The following ELF1 variants were observed in gnomAD, a reference collection of about 807,000 sequenced individuals.
The protein encoded by ELF1 is ETS-related transcription factor Elf-1.
In ELF1, 24 loss-of-function variants were observed where a neutral mutation model predicts 59.9. That is an observed-to-expected ratio of 0.40 (90% confidence interval 0.29 to 0.56). The LOEUF is 0.56. Ranked by LOEUF, ELF1 falls within the 20% of genes least tolerant of loss-of-function variation. The pLI, the probability that ELF1 is intolerant of heterozygous loss-of-function variation, is 0.44. For missense variants in ELF1, 627 were observed against 742.2 expected (o/e 0.84, Z 1.80); for synonymous variants, 248 against 266.2 (o/e 0.93, Z 0.67).
chr13:40,997,680 C>T (rs1287783864), intron 1 of ELF1, among the ~76,000 whole-genome samples: 16 of 152,196 alleles, frequency 1.1e-4, no homozygotes, highest in Admixed American at 1.0e-3. Context: ...GTGTGAGCCA[C>T]CACACTCAAT....
intron 5 of ELF1, among the ~76,000 whole-genome samples, chr13:40,944,281 G>C (rs1434991693): frequency 6.6e-6 from 1 of 152,082 alleles, no homozygotes; most frequent in Non-Finnish European, 1.5e-5. Flanking sequence ...GGTAGAACGT[G>C]GGCTCCAAAA....
Position 40,955,285 on chromosome 13 carries a change from G to GC in ELF1, c.253+3550dup, listed in dbSNP as rs1449794068. Among the ~76,000 whole-genome samples, 16 of 141,702 alleles carry GC rather than the reference G, an allele frequency of 1.1e-4. No individual in the cohort carries two copies. In the East Asian group the frequency reaches 3.2e-3, roughly 29 times the overall value. The allele number at this position is 141,702 out of a possible 152,430, so 93.0% of individuals were successfully genotyped here. A position where few individuals can be genotyped will look rare whatever the true frequency, so the allele number is the denominator to read the frequency against. On this transcript the variant is annotated intron_variant, in intron 3 of 8. Coordinates refer to ENST00000239882, the MANE Select transcript of ELF1 (RefSeq NM_172373.4). ...CCGTCTGGGAGGGAGGTGGGGGTCA[G>GC]CCCCCCGCCCGGCCAGCCGCCCCGT...
At chr13:41,060,361 T>C (rs1593419303) in intron 1 of ELF1, among the ~76,000 whole-genome samples, 1 of 151,728 alleles carries the variant, frequency 6.6e-6, no homozygotes, top group African/African-American at 2.4e-5. Context: ...CTGAAGAGGG[T>C]GTGGGCCGGA....
chr13:41,004,977 A>G (rs9532696), intron 1 of ELF1, among the ~76,000 whole-genome samples: 47,318 of 152,048 alleles, frequency 0.31, 8,969 homozygotes, highest in Middle Eastern at 0.47. Context: ...GTGGCAAATT[A>G]AAGCAGCAAT....
intron 8 of ELF1, among the ~76,000 whole-genome samples, chr13:40,936,320 A>G (rs1216888468): frequency 1.3e-5 from 2 of 152,126 alleles, no homozygotes; most frequent in Non-Finnish European, 2.9e-5. Flanking sequence ...AGGCAGTTAC[A>G]ACTCTCTAAT....
chr13:40,990,165 G>A (rs1435476231), intron 1 of ELF1, among the ~76,000 whole-genome samples: 1 of 152,122 alleles, frequency 6.6e-6, no homozygotes, highest in African/African-American at 2.4e-5. Context: ...GGTTAAAGCT[G>A]GTAGGAAATA....
chr13:41,041,708 C>T (rs571908752), intron 1 of ELF1, among the ~76,000 whole-genome samples: 1 of 152,188 alleles, frequency 6.6e-6, no homozygotes, highest in African/African-American at 2.4e-5. Context: ...CAGAAGACTT[C>T]AAAAAGCCAG....
chr13:41,029,888 G>A (rs1469097298), intron 1 of ELF1, among the ~76,000 whole-genome samples: 1 of 152,178 alleles, frequency 6.6e-6, no homozygotes, highest in Non-Finnish European at 1.5e-5. Flanking sequence ...GTTTGAGGTA[G>A]AGGAATATCA....
chr13:40,933,919 C>G lies in ELF1; in HGVS notation c.1366G>C (p.Asp456His). The change falls in exon 9 of 9, where the codon GAT becomes CAT. Residue 456 changes from aspartate to histidine, a missense_variant. Physicochemically the swap from Asp to His is moderately conservative, Grantham distance 81. This residue lies in a region of ELF1 where 361 missense variants were observed against 396.1 expected (regional missense o/e 0.91). Coordinates refer to ENST00000239882, the MANE Select transcript of ELF1 (RefSeq NM_172373.4). ...VPLTTVIAST[D>H]PSAGTGSQKF... ...TGAGATCCAGTACCTGCTGATGGATCTGTGCTGGCTATAACTGTTGTGAGT... is the reference window on the plus strand; with the variant it reads ...TGAGATCCAGTACCTGCTGATGGATGTGTGCTGGCTATAACTGTTGTGAGT... The G allele has an allele frequency of 6.2e-7, 1 of 1,614,216 alleles. No homozygotes were observed. The highest frequency in any genetic ancestry group is 8.5e-7 in the Non-Finnish European group (1 of 1,180,032).
At chr13:41,055,742 T>C (rs140123192) in intron 1 of ELF1, among the ~76,000 whole-genome samples, 153 of 152,178 alleles carry the variant, frequency 1.0e-3, no homozygotes, top group African/African-American at 3.7e-3. Flanking sequence ...TGGAGTTCAG[T>C]GGTGCGATCA....
rs1875594959 is a variant in ELF1 at position 41,019,309 on chromosome 13, T to C, written c.-310A>G. ...AAGTTTTAGCTGTTAAAATGGCTCCTGTAGATTGGGGAAGTGGTGTCTGTG... is the reference window on the plus strand; with the variant it reads ...AAGTTTTAGCTGTTAAAATGGCTCCCGTAGATTGGGGAAGTGGTGTCTGTG... On this transcript the variant is annotated 5_prime_UTR_variant, in exon 1 of 9. Transcript: ENST00000239882. 1.9e-5 allele frequency: 19 copies of C among 985,436 alleles called. No individual in the cohort carries two copies. The highest frequency in any genetic ancestry group is 2.3e-5 in the Non-Finnish European group (19 of 829,932). 61.0% of individuals were successfully genotyped at this position (985,436 alleles called of 1,614,324 possible). A position where few individuals can be genotyped will look rare whatever the true frequency, so the allele number is the denominator to read the frequency against.
intron 2 of ELF1, among the ~76,000 whole-genome samples, chr13:40,966,197 G>C (rs1872163412): frequency 6.6e-6 from 1 of 152,130 alleles, no homozygotes; most frequent in African/African-American, 2.4e-5. Flanking sequence ...AGATCTCCTG[G>C]AACTAAAATC....
At chr13:41,054,579 T>C (rs1877218643) in intron 1 of ELF1, among the ~76,000 whole-genome samples, 1 of 152,240 alleles carries the variant, frequency 6.6e-6, no homozygotes, top group Non-Finnish European at 1.5e-5. Flanking sequence ...TCTCTATTTC[T>C]TTTAGAAATA....
intron 1 of ELF1, among the ~76,000 whole-genome samples, chr13:41,045,135 G>A (rs887002410): frequency 6.6e-6 from 1 of 151,762 alleles, no homozygotes; most frequent in Non-Finnish European, 1.5e-5. Flanking sequence ...GGTATCAGTT[G>A]TGATATCCCC....
At chr13:40,988,412 T>C (rs1873667753) in intron 1 of ELF1, among the ~76,000 whole-genome samples, 1 of 152,244 alleles carries the variant, frequency 6.6e-6, no homozygotes, top group African/African-American at 2.4e-5. Context: ...ATTAATATTT[T>C]TTCCTTAGCA....
intron 1 of ELF1, among the ~76,000 whole-genome samples, chr13:41,049,855 A>G (rs1877011273): frequency 6.6e-6 from 1 of 152,210 alleles, no homozygotes; most frequent in Non-Finnish European, 1.5e-5. Flanking sequence ...ACTAAACTGC[A>G]AGCTTCATGA....
intron 7 of ELF1, among the ~76,000 whole-genome samples, chr13:40,941,811 C>T (rs1289159650): frequency 6.6e-6 from 1 of 152,040 alleles, no homozygotes; most frequent in African/African-American, 2.4e-5. Context: ...GCGCATGCTA[C>T]CACACGTGGC....
chr13:40,946,125 C>T (rs1870494782), intron 5 of ELF1, among the ~76,000 whole-genome samples: 1 of 152,226 alleles, frequency 6.6e-6, no homozygotes, highest in Non-Finnish European at 1.5e-5. Flanking sequence ...AAGCATGAGC[C>T]ACTGAGCATG....
chr13:41,041,682 A>C (rs188021178), intron 1 of ELF1, among the ~76,000 whole-genome samples: 5 of 151,126 alleles, frequency 3.3e-5, no homozygotes, highest in African/African-American at 4.9e-5. Context: ...TTCCAGGGGG[A>C]AAAAAAAAGG....
Sources: gnomAD v4.1 joint callset for allele counts (sites outside exome capture counted in the v4.1 genomes callset) on GRCh38, gnomAD v4.1.1 for gene constraint, gnomAD v4.1.1 regional missense constraint, MANE v1.5 for transcripts, NCBI Gene and HGNC (gene_info 2026-07-23, HGNC 2026-07-21) for gene names.